Variants in SIK2 observed in about 807,000 individuals in gnomAD.
The protein encoded by SIK2 is serine/threonine-protein kinase SIK2.
SIK2 carries 29 observed loss-of-function variants against 103.2 expected under a neutral mutation model. That is an observed-to-expected ratio of 0.28 (90% CI 0.21 to 0.38). The LOEUF is 0.38. SIK2 is among the 10% of genes least tolerant of loss of function. The pLI is 1.00. For missense variants in SIK2, 879 were observed against 1,171.0 expected, an observed-to-expected ratio of 0.75 and a Z score of 3.64; for synonymous variants, 412 against 446.1, an observed-to-expected ratio of 0.92 and a Z score of 0.96.
intron 4 of SIK2, among the ~76,000 whole-genome samples, chr11:111,689,424 C>G (rs1327918405): frequency 6.6e-6 from 1 of 152,120 alleles, no homozygotes; most frequent in Non-Finnish European, 1.5e-5. Context: ...AATAAGGAAT[C>G]TAGTGCAATA....
Position 111,688,609 on chromosome 11 carries a change from T to G in SIK2, c.478+447T>G, listed in dbSNP as rs1345806961. Among the ~76,000 whole-genome samples, 1 of 152,224 alleles carries G rather than the reference T, an allele frequency of 6.6e-6. No homozygotes were observed. Among genetic ancestry groups the G allele is most frequent in the Non-Finnish European group, 1.5e-5 (1 of 68,046 alleles). On this transcript the variant is annotated intron_variant, in intron 4 of 14. Coordinates refer to ENST00000304987, the MANE Select transcript of SIK2 (RefSeq NM_015191.3). This position sits in a 1 kb window ranked among gnomAD's most constrained non-coding sequence, Gnocchi z 4.2. ...GAAATAGTTGAGACAGAAAAGCACC[T>G]TTCCTTGATCTGATACGATAGGGTT...
chr11:111,622,767 CA>C, intron 3 of SIK2, among the ~76,000 whole-genome samples: 1 of 152,106 alleles, frequency 6.6e-6, no homozygotes, highest in Admixed American at 6.5e-5. Context: ...ACAAAAAAAC[CA>C]CTGTTATCTT....
chr11:111,665,807 C>T (rs1227496470), intron 3 of SIK2, among the ~76,000 whole-genome samples: 3 of 130,314 alleles, frequency 2.3e-5, no homozygotes, highest in African/African-American at 8.7e-5. Context: ...GCCTGGGCAA[C>T]AAAAGCAAAA....
chr11:111,707,811 G>A (rs1052920323), intron 8 of SIK2, among the ~76,000 whole-genome samples: 2 of 152,108 alleles, frequency 1.3e-5, no homozygotes, highest in African/African-American at 4.8e-5. Flanking sequence ...CAAAGATAAC[G>A]TGAGCTGTGG....
intron 3 of SIK2, among the ~76,000 whole-genome samples, chr11:111,659,219 A>G (rs1233549043): frequency 6.6e-6 from 1 of 151,714 alleles, no homozygotes; most frequent in Non-Finnish European, 1.5e-5. Context: ...TAATTTTGCA[A>G]TTTTACTGTT....
intron 9 of SIK2, among the ~76,000 whole-genome samples, chr11:111,714,234 C>T (rs1284462739): frequency 6.6e-6 from 1 of 152,158 alleles, no homozygotes; most frequent in African/African-American, 2.4e-5. Flanking sequence ...AGGAAAAGGG[C>T]ACATGCAGGG....
intron 4 of SIK2, among the ~76,000 whole-genome samples, chr11:111,689,238 A>T (rs143919948): frequency 6.6e-6 from 1 of 152,266 alleles, no homozygotes; most frequent in African/African-American, 2.4e-5. Flanking sequence ...CATGTCAAAG[A>T]TTTTATAGTT....
intron 3 of SIK2, among the ~76,000 whole-genome samples, chr11:111,644,895 A>G (rs1942235277): frequency 6.6e-6 from 1 of 152,166 alleles, no homozygotes; most frequent in African/African-American, 2.4e-5. Flanking sequence ...TGAAGTTACT[A>G]ATGGGCTGGG....
intron 3 of SIK2, among the ~76,000 whole-genome samples, chr11:111,664,840 A>T (rs1196722908): frequency 6.6e-6 from 1 of 152,092 alleles, no homozygotes; most frequent in African/African-American, 2.4e-5. Flanking sequence ...AACTCTTAGT[A>T]CTGCTGATCG....
At chr11:111,664,496 G>A (rs1002274044) in intron 3 of SIK2, among the ~76,000 whole-genome samples, 1 of 152,126 alleles carries the variant, frequency 6.6e-6, no homozygotes, top group Non-Finnish European at 1.5e-5. Context: ...CACGCCTGTA[G>A]TCCCAGCTAC....
At chr11:111,634,037 G>C (rs576967306) in intron 3 of SIK2, among the ~76,000 whole-genome samples, 1 of 152,146 alleles carries the variant, frequency 6.6e-6, no homozygotes, top group Non-Finnish European at 1.5e-5. Flanking sequence ...TGATCACCTC[G>C]TCAGACAATT....
chr11:111,688,195 C>T lies in SIK2; in HGVS notation c.478+33C>T, dbSNP rs1942872512. ...GGACACAACTGGCTCTAATAAGATC[C>T]GAAGTGAGCCACTGCACTCAGTGTG... On this transcript the variant is annotated intron_variant, in intron 4 of 14. Coordinates refer to ENST00000304987, the MANE Select transcript of SIK2 (RefSeq NM_015191.3). The surrounding 1 kb of genome is among the most constrained non-coding windows in gnomAD (Gnocchi z 4.2). The T allele has an allele frequency of 2.5e-6, 4 of 1,610,576 alleles. No homozygotes were observed. The highest frequency in any genetic ancestry group is 2.2e-5 in the East Asian group (1 of 44,830).
At chr11:111,715,322 G>C (rs1023740254) in intron 9 of SIK2, among the ~76,000 whole-genome samples, 1 of 152,064 alleles carries the variant, frequency 6.6e-6, no homozygotes, top group Non-Finnish European at 1.5e-5. Context: ...CACACACACA[G>C]AAAAACTTAT....
chr11:111,700,420 A>C (rs1201651978), intron 4 of SIK2, among the ~76,000 whole-genome samples: 1 of 152,208 alleles, frequency 6.6e-6, no homozygotes, highest in Admixed American at 6.5e-5. Context: ...AGTTGCCTTC[A>C]AGGGTTATAT....
chr11:111,619,594 C>T (rs897655489), intron 2 of SIK2, among the ~76,000 whole-genome samples: 3 of 152,094 alleles, frequency 2.0e-5, no homozygotes, highest in African/African-American at 7.2e-5. Context: ...ATCTGCCCAC[C>T]TTGACCTCCC....
At chr11:111,611,929 T>G (rs907942751) in intron 1 of SIK2, among the ~76,000 whole-genome samples, 2 of 152,134 alleles carry the variant, frequency 1.3e-5, no homozygotes, top group African/African-American at 2.4e-5. Context: ...AACACAACCC[T>G]TTTGCAAATT....
At chr11:111,704,017 A>C (rs1943278545) in intron 7 of SIK2, among the ~76,000 whole-genome samples, 1 of 152,226 alleles carries the variant, frequency 6.6e-6, no homozygotes, top group Non-Finnish European at 1.5e-5. Flanking sequence ...TACGATAGTA[A>C]AAAAGCAAAC....
intron 1 of SIK2, among the ~76,000 whole-genome samples, chr11:111,603,683 C>T (rs1276364392): frequency 1.3e-5 from 2 of 152,104 alleles, no homozygotes; most frequent in Non-Finnish European, 2.9e-5. Context: ...CTTAGAAGAA[C>T]GGTAGAAACA....
At chr11:111,646,827 G>A (rs890471441) in intron 3 of SIK2, among the ~76,000 whole-genome samples, 2 of 152,106 alleles carry the variant, frequency 1.3e-5, no homozygotes, top group Non-Finnish European at 2.9e-5. Context: ...GTTGTCTCTT[G>A]TGTGCATTTG....
Sources: gnomAD v4.1 joint callset for allele counts (sites outside exome capture counted in the v4.1 genomes callset) on GRCh38, gnomAD v4.1.1 for gene constraint, Gnocchi (gnomAD v3.1) non-coding constraint, MANE v1.5 for transcripts, NCBI Gene and HGNC (gene_info 2026-07-23, HGNC 2026-07-21) for gene names.